VPS13D: variants seen among roughly 807,000 people sequenced by gnomAD.
VPS13D encodes vacuolar protein sorting 13 homolog D.
In VPS13D, 187 loss-of-function variants were observed where a neutral mutation model predicts 461.9. The observed-to-expected ratio is 0.40, with a 90% CI of 0.36 to 0.46. VPS13D has a LOEUF of 0.46. Ranked by LOEUF, VPS13D falls within the 20% of genes least tolerant of loss-of-function variation. The pLI is 0.60. For missense variants in VPS13D, 4,711 were observed against 5,364.9 expected, an observed-to-expected ratio of 0.88 and a Z score of 3.81; for synonymous variants, 1,951 against 1,986.3, an observed-to-expected ratio of 0.98 and a Z score of 0.47.
Position 12,299,065 on chromosome 1 carries a change from C to A in VPS13D, c.6034-137C>A. On this transcript the variant is annotated intron_variant, in intron 24 of 69. Coordinates refer to ENST00000620676, the MANE Select transcript of VPS13D (RefSeq NM_015378.4). This position sits in a 1 kb window ranked among gnomAD's most constrained non-coding sequence, Gnocchi z 4.2. ...CTTGTTACTGACTTCCAGTTTAACT[C>A]CATGGTGGTCATAGAATATGCTCTG... 1 of 709,232 alleles carries A rather than the reference C, an allele frequency of 1.4e-6. No homozygotes were observed. The allele number at this position is 709,232 out of a possible 1,614,324, so 43.9% of individuals were successfully genotyped here.
intron 67 of VPS13D, among the ~76,000 whole-genome samples, chr1:12,493,735 T>C (rs1166523853): frequency 6.6e-6 from 1 of 152,238 alleles, no homozygotes; most frequent in East Asian, 1.9e-4. Flanking sequence ...TTTGCTGGCT[T>C]ACGAGGTTTG....
Position 12,314,109 on chromosome 1 carries a change from T to A in VPS13D, c.6936-6T>A, listed in dbSNP as rs767572314. 5.0e-6 allele frequency: 8 copies of A among 1,612,992 alleles called. No homozygotes were observed. The highest frequency in any genetic ancestry group is 1.3e-5 in the African/African-American group (1 of 74,930). On this transcript the variant is annotated splice_polypyrimidine_tract_variant and splice_region_variant and intron_variant, in intron 29 of 69. Transcript: ENST00000620676. ...CATCTTGCTTGCTTTCTTTTCTCTC[T>A]TTTAGATTTGACTTCAAGAAATGCA...
At chr1:12,462,164 A>G (rs1645421661) in intron 67 of VPS13D, among the ~76,000 whole-genome samples, 1 of 152,232 alleles carries the variant, frequency 6.6e-6, no homozygotes, top group South Asian at 2.1e-4. Flanking sequence ...AAAAAATTAT[A>G]TAAACACTTA....
chr1:12,237,564 A>G (rs1640196980), intron 2 of VPS13D, among the ~76,000 whole-genome samples: 1 of 150,068 alleles, frequency 6.7e-6, no homozygotes, highest in African/African-American at 2.5e-5. Flanking sequence ...CACGCCTGTA[A>G]TCCTAGCACT....
At chr1:12,363,347 G>C in intron 52 of VPS13D, 100 bp downstream of exon 52, 1 of 1,316,242 alleles carries the variant, frequency 7.6e-7, no homozygotes, top group Non-Finnish European at 1.0e-6. Flanking sequence ...AATATTTCTG[G>C]CTCAGACAGA....
At chr1:12,504,119 C>A (rs900522159) in intron 68 of VPS13D, among the ~76,000 whole-genome samples, 1 of 151,898 alleles carries the variant, frequency 6.6e-6, no homozygotes, top group Non-Finnish European at 1.5e-5. Context: ...TTTAATTATT[C>A]TTTGATGTGT....
intron 65 of VPS13D, among the ~76,000 whole-genome samples, chr1:12,418,843 C>T (rs1644827684): frequency 6.6e-6 from 1 of 152,114 alleles, no homozygotes; most frequent in African/African-American, 2.4e-5. Context: ...CAAACCCCAT[C>T]AGGGCCAGTT....
chr1:12,249,051 T>C (rs1640649152), intron 5 of VPS13D, among the ~76,000 whole-genome samples, 172 bp from the exon 6 acceptor site: 1 of 152,156 alleles, frequency 6.6e-6, no homozygotes, highest in South Asian at 2.1e-4. Context: ...TATGTGTGTG[T>C]TGTGTTTGTA....
At position 12,346,569 on chromosome 1, in the gene VPS13D, G is replaced by A. The variant is rs1385947943; in HGVS notation, c.9022-36G>A. The A allele has an allele frequency of 2.5e-6, 4 of 1,605,700 alleles. No homozygotes were observed. The Admixed American group carries it at 6.9e-5, about 28-fold the overall frequency. ...AATTTAACGTTGCTAATTATCTTAA[G>A]TCTGTGCTGACTCTAACTTTTGAAA... On this transcript the variant is annotated intron_variant, in intron 43 of 69. Coordinates refer to ENST00000620676, the MANE Select transcript of VPS13D (RefSeq NM_015378.4).
rs757345929 is a variant in VPS13D at position 12,349,331 on chromosome 1, C to T, written c.9388C>T (p.Arg3130Ter). 8 of 1,613,874 alleles carry T rather than the reference C, an allele frequency of 5.0e-6. No homozygotes were observed. Among genetic ancestry groups the T allele is most frequent in the Non-Finnish European group, 5.9e-6 (7 of 1,180,024 alleles). Residue 3130 changes from arginine to a stop codon, truncating the protein, a stop_gained, in exon 46 of 70, where the codon CGA becomes TGA. Coordinates refer to ENST00000620676, the MANE Select transcript of VPS13D (RefSeq NM_015378.4). LOFTEE classifies it high-confidence loss of function. ...GACTGCAGAAATTAGTAGCAGTAAA[C>T]GAGAGTGCCACTCTATGGACACAGA... ...VKTAEISSSK[R>*]ECHSMDTEKS...
chr1:12,296,027 C>T (rs933973789), intron 24 of VPS13D, among the ~76,000 whole-genome samples: 4 of 152,160 alleles, frequency 2.6e-5, no homozygotes, highest in East Asian at 1.9e-4. Flanking sequence ...TTGTTACATA[C>T]GATAGCATTT....
rs941400599 is a variant in VPS13D, at chr1:12,232,696, GCAGTAGTA to G, written c.-76-1493_-76-1486del. On this transcript the variant is annotated intron_variant, in intron 1 of 69. Transcript: ENST00000620676. Reference sequence around the variant, plus strand: ...TGGTAAACACCAGTTATTATAACAGGCAGTAGTACCTACAAAATCTAAATACCGTGGCT... The same window carrying G: ...TGGTAAACACCAGTTATTATAACAGGCCTACAAAATCTAAATACCGTGGCT... Among the ~76,000 whole-genome samples, 3 of 138,624 alleles carry G rather than the reference GCAGTAGTA, an allele frequency of 2.2e-5. No homozygotes were observed. The Admixed American group carries it at 2.3e-4, about 11-fold the overall frequency. The allele number at this position is 138,624 out of a possible 152,430, so 90.9% of individuals were successfully genotyped here.
intron 24 of VPS13D, among the ~76,000 whole-genome samples, chr1:12,295,530 T>C (rs1175784551): frequency 1.3e-5 from 2 of 152,230 alleles, no homozygotes; most frequent in Non-Finnish European, 2.9e-5. Context: ...TGATAGAAAA[T>C]CTGGAAAAAA....
chr1:12,450,297 G>C (rs1420824209), intron 65 of VPS13D, among the ~76,000 whole-genome samples: 1 of 152,086 alleles, frequency 6.6e-6, no homozygotes, highest in East Asian at 1.9e-4. Context: ...CTCCCACAAA[G>C]TTCATGGCAG....
rs1646159291 is a variant in VPS13D at position 12,509,780 on chromosome 1, T to G, written c.*756T>G. ...TTTTTCCTAACTAGTCTTACCAAACTTAGGGGGAAACCTGTGCTCCATTAC... is the reference window on the plus strand; with the variant it reads ...TTTTTCCTAACTAGTCTTACCAAACGTAGGGGGAAACCTGTGCTCCATTAC... On this transcript the variant is annotated 3_prime_UTR_variant, in exon 70 of 70. Transcript: ENST00000620676. 6.6e-6 allele frequency: 1 copy of G among 152,258 alleles called. No homozygotes were observed. Among genetic ancestry groups the G allele is most frequent in the African/African-American group, 2.4e-5 (1 of 41,466 alleles). 9.4% of individuals were successfully genotyped at this position (152,258 alleles called of 1,614,324 possible). A position where few individuals can be genotyped will look rare whatever the true frequency, so the allele number is the denominator to read the frequency against.
Position 12,473,260 on chromosome 1 carries a change from T to G in VPS13D, c.12662+12864T>G, listed in dbSNP as rs1645586158. On this transcript the variant is annotated intron_variant, in intron 67 of 69. Transcript: ENST00000620676. This position sits in a 1 kb window ranked among gnomAD's most constrained non-coding sequence, Gnocchi z 4.2. ...TCTTTCTTCAAAGAGAAGCGCTTGTTTCAGAAAAAGATGTGGAAAGGACGT... is the reference window on the plus strand; with the variant it reads ...TCTTTCTTCAAAGAGAAGCGCTTGTGTCAGAAAAAGATGTGGAAAGGACGT... Among the ~76,000 whole-genome samples, 2 of 152,178 alleles carry G rather than the reference T, an allele frequency of 1.3e-5. No individual in the cohort carries two copies. Among genetic ancestry groups the G allele is most frequent in the Admixed American group, 6.5e-5 (1 of 15,286 alleles).
rs1570151370 is a variant in VPS13D, at chr1:12,427,871, C to T, written c.12333+11044C>T. Among the ~76,000 whole-genome samples the T allele has an allele frequency of 2.0e-5, 3 of 152,188 alleles. No individual in the cohort carries two copies. The East Asian group carries it at 5.8e-4, about 29-fold the overall frequency. On this transcript the variant is annotated intron_variant, in intron 65 of 69. Coordinates refer to ENST00000620676, the MANE Select transcript of VPS13D (RefSeq NM_015378.4). ...GTGAGCCTTGTTAGCCTCTCCTTCC[C>T]TGCAGAATGAGTTTCAGAGAACAGA...
intron 55 of VPS13D, among the ~76,000 whole-genome samples, chr1:12,376,567 G>T (rs531428940): frequency 1.3e-5 from 2 of 152,320 alleles, no homozygotes; most frequent in East Asian, 3.9e-4. Flanking sequence ...GGAAACGGAG[G>T]CTCTAAGAGA....
intron 63 of VPS13D, among the ~76,000 whole-genome samples, chr1:12,410,692 C>T (rs1331783294): frequency 6.6e-6 from 1 of 151,798 alleles, no homozygotes; most frequent in Non-Finnish European, 1.5e-5. Flanking sequence ...AATTATAGAC[C>T]AGCACTTTTT....
Sources: gnomAD v4.1 joint callset for allele counts (sites outside exome capture counted in the v4.1 genomes callset) on GRCh38, gnomAD v4.1.1 for gene constraint, Gnocchi (gnomAD v3.1) non-coding constraint, MANE v1.5 for transcripts, NCBI Gene and HGNC (gene_info 2026-07-23, HGNC 2026-07-21) for gene names.